The following PROCA1 variants were observed in gnomAD, a reference collection of about 807,000 sequenced individuals.
PROCA1 encodes protein interacting with cyclin A1, also known as protein PROCA1.
A neutral mutation model predicts 23.2 loss-of-function variants in PROCA1; 22 were observed. The ratio of observed to expected loss-of-function variants is 0.95; its 90% CI spans 0.68 to 1.35. PROCA1 has a LOEUF of 1.35. PROCA1 is among the 40% of genes most tolerant of loss of function. The probability of loss-of-function intolerance (pLI) is 0.00; values close to 1 mark genes in which losing one functional copy is unlikely to be tolerated. For synonymous variants in PROCA1, 182 were observed against 179.2 expected (o/e 1.02, Z -0.12); for missense variants, 469 against 459.8 (o/e 1.02, Z -0.18).
At chr17:28,708,730 G>GATAAAAAAAAAAAA (rs1368224587) in intron 1 of PROCA1, among the ~76,000 whole-genome samples, 3 of 113,106 alleles carry the variant, frequency 2.7e-5, no homozygotes. Flanking sequence ...TCCAGAAAAA[G>GATAAAAAAAAAAAA]GAAAAAAAAA....
chr17:28,703,664 T>C lies in PROCA1; in HGVS notation c.989A>G (p.Lys330Arg), dbSNP rs1255216380. Residue 330 changes from lysine to arginine, a missense_variant, in exon 5 of 5, where the codon AAG becomes AGG. Transcript: ENST00000682792. ...TTTGGCCTGGACTGTGTTCTCTCTC[T>C]TCCTGGGCGATGATGATTCCACAAT... ...EDIVESSSPR[K>R]RENTVQAKKT... 6.2e-6 allele frequency: 10 copies of C among 1,614,236 alleles called. No homozygotes were observed. The highest frequency in any genetic ancestry group is 8.5e-6 in the Non-Finnish European group (10 of 1,180,044).
chr17:28,709,221 G>T (rs1019004729), intron 1 of PROCA1, among the ~76,000 whole-genome samples: 1 of 152,096 alleles, frequency 6.6e-6, no homozygotes, highest in Non-Finnish European at 1.5e-5. Flanking sequence ...AGGTCATTCT[G>T]TATGTGAAGC....
chr17:28,706,916 GGGGGGGGGGGGGGGGTGGGGCTA>G (rs2032511593), intron 1 of PROCA1, 153 bp from the exon 2 acceptor site: 1 of 107,430 alleles, frequency 9.3e-6, no homozygotes. Context: ...AGGGGTTGCG[GGGGGGGGGGGGGGGGTGGGGCTA>G]TGAGGGGGAG....
chr17:28,711,876 G>C lies in PROCA1; in HGVS notation c.-216C>G. ...TCCCAGCTGGGTCTCAGCGTCAGCCGCGTTCTTCATCCGGGGCCTCCGGCG... is the reference window on the plus strand; with the variant it reads ...TCCCAGCTGGGTCTCAGCGTCAGCCCCGTTCTTCATCCGGGGCCTCCGGCG... On this transcript the variant is annotated 5_prime_UTR_variant, in exon 1 of 5. Coordinates refer to ENST00000682792, the MANE Select transcript of PROCA1 (RefSeq NM_001366301.1). 2.1e-6 allele frequency: 1 copy of C among 486,730 alleles called. No individual in the cohort carries two copies. Among genetic ancestry groups the C allele is most frequent in the Non-Finnish European group, 3.6e-6 (1 of 277,206 alleles). 30.2% of individuals were successfully genotyped at this position (486,730 alleles called of 1,614,324 possible).
chr17:28,705,098 T>C, intron 2 of PROCA1: 1 of 384,594 alleles, frequency 2.6e-6, no homozygotes, highest in East Asian at 4.9e-5. Flanking sequence ...TTCTGTCCTC[T>C]CCCTCCAGTG....
chr17:28,704,038 G>C lies in PROCA1; in HGVS notation c.615C>G (p.Ala205=). The change falls in exon 5 of 5, where the codon GCC becomes GCG. Residue 205 remains alanine, a synonymous_variant. Transcript: ENST00000682792. ...GCGCTGTGGAGTCAGGGGTACCAGT[G>C]GCCATGCTGGTGCCTAGGTCAGGGG... is the stretch of plus-strand genomic sequence containing the variant. ...TASPDLGTSM[A]TGTPDSTAPI... 2 of 1,610,566 alleles carry C rather than the reference G, an allele frequency of 1.2e-6. No homozygotes were observed. Among genetic ancestry groups the C allele is most frequent in the Non-Finnish European group, 8.5e-7 (1 of 1,178,916 alleles).
In PROCA1 at chr17:28,703,898, T is replaced by G; in HGVS notation, c.755A>C (p.Lys252Thr). 1.2e-6 allele frequency: 2 copies of G among 1,614,108 alleles called. No homozygotes were observed. Among genetic ancestry groups the G allele is most frequent in the Middle Eastern group, 1.6e-4 (1 of 6,062 alleles). ...CTTGGCTTTTTTCTTCAGCTTTGCCTTCTCATCCATCTCCTCCTTGTCTTT... is the reference window on the plus strand; with the variant it reads ...CTTGGCTTTTTTCTTCAGCTTTGCCGTCTCATCCATCTCCTCCTTGTCTTT... ...KEKDKEEMDE[K>T]AKLKKKAKKG... The change falls in exon 5 of 5, where the codon AAG (lysine) becomes ACG (threonine). Residue 252 changes from lysine (K) to threonine (T), a missense_variant. By Grantham distance (78) the Lys-to-Thr change is moderately conservative. Transcript: ENST00000682792.
intron 1 of PROCA1, among the ~76,000 whole-genome samples, chr17:28,707,651 C>T (rs926584071): frequency 2.6e-5 from 4 of 152,132 alleles, no homozygotes; most frequent in African/African-American, 7.2e-5. Flanking sequence ...GAAGTGACAC[C>T]TTCTCCTTCT....
Position 28,711,742 on chromosome 17 carries a change from C to A in PROCA1, c.-82G>T. On this transcript the variant is annotated 5_prime_UTR_variant, in exon 1 of 5. Transcript: ENST00000682792. ...GCCTCAGCCCGGCCGAGCCCTCGGC[C>A]CAGCCGTGAACTCCAGTCTCGGCTT... is the stretch of plus-strand genomic sequence containing the variant. The A allele has an allele frequency of 7.7e-7, 1 of 1,296,796 alleles. No homozygotes were observed. Among genetic ancestry groups the A allele is most frequent in the Non-Finnish European group, 1.1e-6 (1 of 949,404 alleles). The allele number at this position is 1,296,796 out of a possible 1,614,324, so 80.3% of individuals were successfully genotyped here.
intron 1 of PROCA1, among the ~76,000 whole-genome samples, chr17:28,708,479 T>G (rs1247065773): frequency 1.3e-5 from 2 of 152,230 alleles, no homozygotes; most frequent in African/African-American, 4.8e-5. Flanking sequence ...ACAAGAGTTC[T>G]GACTTGGTCA....
At chr17:28,707,647 A>T (rs986497142) in intron 1 of PROCA1, among the ~76,000 whole-genome samples, 17 of 152,146 alleles carry the variant, frequency 1.1e-4, no homozygotes, top group Non-Finnish European at 2.2e-4. Context: ...GCCAGAAGTG[A>T]CACCTTCTCC....
chr17:28,710,527 AAAG>A (rs1289024950), intron 1 of PROCA1, among the ~76,000 whole-genome samples: 2 of 150,716 alleles, frequency 1.3e-5, no homozygotes, highest in African/African-American at 2.4e-5. Context: ...AAAAAAAAAA[AAAG>A]CACACATGCA....
chr17:28,707,653 TCTC>T (rs1403467222), intron 1 of PROCA1, among the ~76,000 whole-genome samples: 2 of 152,142 alleles, frequency 1.3e-5, no homozygotes, highest in African/African-American at 4.8e-5. Context: ...AGTGACACCT[TCTC>T]CTTCTTTACT....
chr17:28,704,879 C>T (rs759814950), intron 2 of PROCA1, 36 bp from the exon 3 acceptor site: 16 of 1,603,852 alleles, frequency 1.0e-5, no homozygotes, highest in Admixed American at 5.0e-5. Flanking sequence ...CAGTAGCAGC[C>T]GCAGACCTCT....
chr17:28,704,123 T>G lies in PROCA1; in HGVS notation c.530A>C (p.Glu177Ala). Reference sequence around the variant, plus strand: ...GGGCTTGCTTTCCTCCTCCTCCTCTTCCTCTTCTTCATTTAGATCATCTGC... The same window carrying G: ...GGGCTTGCTTTCCTCCTCCTCCTCTGCCTCTTCTTCATTTAGATCATCTGC... ...CGADDLNEEE[E>A]EEEEESKPPI... Residue 177 changes from glutamate to alanine, a missense_variant, in exon 5 of 5, where the codon GAA (glutamate) becomes GCA (alanine). Transcript: ENST00000682792. 2 of 1,568,370 alleles carry G rather than the reference T, an allele frequency of 1.3e-6. No homozygotes were observed. Among genetic ancestry groups the G allele is most frequent in the Non-Finnish European group, 8.6e-7 (1 of 1,163,158 alleles).
Position 28,703,573 on chromosome 17 carries a change from G to T in PROCA1, c.1080C>A (p.Asn360Lys), listed in dbSNP as rs1209962688. 1 of 1,613,810 alleles carries T rather than the reference G, an allele frequency of 6.2e-7. No individual in the cohort carries two copies. Among genetic ancestry groups the T allele is most frequent in the African/African-American group, 1.3e-5 (1 of 74,912 alleles). The change falls in exon 5 of 5, where the codon AAC becomes AAA. Residue 360 changes from asparagine to lysine, a missense_variant. By Grantham distance (94) the Asn-to-Lys change is moderately conservative (BLOSUM62 0). Coordinates refer to ENST00000682792, the MANE Select transcript of PROCA1 (RefSeq NM_001366301.1). ...CACCCTGGCCTCAACTGAGGTTGGG[G>T]TTTGATCCTGGGGGAGATTTTCTCT... ...VNKRKSPPGS[N>K]PNLS
intron 2 of PROCA1, chr17:28,705,261 A>G: frequency 5.3e-6 from 1 of 187,448 alleles, no homozygotes. Context: ...CAGTTCCTAC[A>G]CCTGCCCTGG....
intron 1 of PROCA1, chr17:28,710,884 C>T: frequency 1.5e-6 from 2 of 1,303,236 alleles, no homozygotes; most frequent in South Asian, 2.5e-5. Flanking sequence ...TTATGCTCAT[C>T]TGTACAGAAT....
rs557817689 is a variant in PROCA1 at position 28,708,731 on chromosome 17, G to GAAAAAAAAAAAAAAAAAAAA, written c.92-1969_92-1968insTTTTTTTTTTTTTTTTTTTT. On this transcript the variant is annotated intron_variant, in intron 1 of 4. Coordinates refer to ENST00000682792, the MANE Select transcript of PROCA1 (RefSeq NM_001366301.1). ...GCGAGACCCCGTTCTCCAGAAAAAG[G>GAAAAAAAAAAAAAAAAAAAA]AAAAAAAAAAAAAAACGACATTTTG... 1.1e-4 allele frequency among the ~76,000 whole-genome samples: 11 copies of GAAAAAAAAAAAAAAAAAAAA among 101,010 alleles called. 1 individual carries two copies. Among genetic ancestry groups the GAAAAAAAAAAAAAAAAAAAA allele is most frequent in the African/African-American group, 1.5e-4 (4 of 26,786 alleles). 66.3% of individuals were successfully genotyped at this position (101,010 alleles called of 152,430 possible).
Sources: allele counts gnomAD v4.1 joint callset (sites outside exome capture counted in the v4.1 genomes callset), GRCh38; gene constraint gnomAD v4.1.1; transcripts MANE v1.5; gene names NCBI Gene and HGNC (gene_info 2026-07-23, HGNC 2026-07-21).